FHL1: variants seen among roughly 807,000 people sequenced by gnomAD.
FHL1 encodes the protein four and a half LIM domains 1.
Under a neutral mutation model 20.3 loss-of-function variants are expected in FHL1, and 1 was observed. The ratio of observed to expected loss-of-function variants is 0.05; its 90% CI spans 0.02 to 0.23. FHL1 has a LOEUF of 0.23. Among genes scored for constraint, FHL1 ranks in the 10% least tolerant of loss-of-function variants. The pLI, the probability that FHL1 is intolerant of heterozygous loss-of-function variation, is 1.00. For missense variants in FHL1, 177 were observed against 234.0 expected, an observed-to-expected ratio of 0.76 and a Z score of 1.59; for synonymous variants, 82 against 88.9, an observed-to-expected ratio of 0.92 and a Z score of 0.44.
intron 2 of FHL1, among the ~76,000 whole-genome samples, chrX:136,186,880 AT>A (rs1453115331): frequency 5.0e-4 from 2 of 4,011 alleles, no homozygotes; most frequent in Non-Finnish European, 4.3e-3. Context: ...ATATATATAT[AT>A]AGATAGATAG....
At chrX:136,157,253 G>T (rs1262091305) in intron 1 of FHL1, among the ~76,000 whole-genome samples, 2 of 111,097 alleles carry the variant, frequency 1.8e-5, no homozygotes, top group African/African-American at 6.5e-5. Context: ...CAGATGCCAG[G>T]GTCAACACAA....
intron 2 of FHL1, among the ~76,000 whole-genome samples, chrX:136,186,981 T>C (rs2073321219): frequency 9.0e-6 from 1 of 110,914 alleles, no homozygotes. Context: ...GGTATAGCTT[T>C]ACAATTGGAT....
At chrX:136,193,994 G>A (rs2073495386), upstream of FHL1, among the ~76,000 whole-genome samples, 1 of 108,829 alleles carries the variant, frequency 9.2e-6, no homozygotes, top group Admixed American at 9.9e-5. Context: ...CACGTCCTGT[G>A]TTTTTCTCAT....
chrX:136,203,201 A>G (rs2073759420), intron 1 of FHL1, among the ~76,000 whole-genome samples: 1 of 112,681 alleles, frequency 8.9e-6, no homozygotes, highest in Non-Finnish European at 1.9e-5. Flanking sequence ...CAACATTCCT[A>G]GAAGTGCCTA....
Position 136,151,159 on chromosome X carries a change from G to T in FHL1, c.-101+3531G>T, listed in dbSNP as rs972948376. Among the ~76,000 whole-genome samples, 3 of 112,199 alleles carry T rather than the reference G, an allele frequency of 2.7e-5. No homozygotes were observed. The Admixed American group carries it at 2.8e-4, about 11-fold the overall frequency. On this transcript the variant is annotated intron_variant, in intron 1 of 7. Coordinates refer to the FHL1 transcript ENST00000394155. The stretch of plus-strand genomic sequence containing the variant: ...CAGCCAGGGCGCTTTTGCCCCCCGG[G>T]GTCACTCAACAATTTTTGCTAGATG...
chrX:136,180,782 C>T (rs936714533), intron 2 of FHL1, among the ~76,000 whole-genome samples: 1 of 74,156 alleles, frequency 1.3e-5, no homozygotes, highest in South Asian at 6.9e-4. Flanking sequence ...CACTCTCTCG[C>T]CCAGGCTGGA....
chrX:136,200,146 C>T (rs2073671325), intron 1 of FHL1, among the ~76,000 whole-genome samples: 1 of 111,907 alleles, frequency 8.9e-6, no homozygotes, highest in Non-Finnish European at 1.9e-5. Flanking sequence ...TCTTTTGAAG[C>T]AGGCATAGAA....
At chrX:136,169,214 T>G (rs2072791951), upstream of FHL1, 1 of 116,293 alleles carries the variant, frequency 8.6e-6, no homozygotes, top group Non-Finnish European at 1.8e-5. Context: ...CGAATGGGCC[T>G]GTGGGGAGGT....
At chrX:136,176,925 A>G (rs1221832592) in intron 2 of FHL1, among the ~76,000 whole-genome samples, 1 of 108,569 alleles carries the variant, frequency 9.2e-6, no homozygotes, top group Non-Finnish European at 1.9e-5. Flanking sequence ...ACTCTCGAAA[A>G]GTGGAATCTC....
In FHL1 at chrX:136,206,443, A is replaced by G. The variant is rs1230410861; in HGVS notation, c.59A>G (p.Lys20Arg). The G allele has an allele frequency of 1.7e-6, 2 of 1,210,834 alleles. No individual in the cohort carries two copies. Among genetic ancestry groups the G allele is most frequent in the African/African-American group, 3.5e-5 (2 of 57,377 alleles). Residue 20 changes from lysine to arginine, a missense_variant, in exon 2 of 6, where the codon AAG (lysine) becomes AGG (arginine). Physicochemically the swap from Lys to Arg is conservative, Grantham distance 26. Transcript: ENST00000370683. ...SSYKVGTMAE[K>R]FDCHYCRDPL... Reference sequence around the variant, plus strand: ...TACAAGGTGGGCACCATGGCGGAGAAGTTTGACTGCCACTACTGCAGGGAT... The same window carrying G: ...TACAAGGTGGGCACCATGGCGGAGAGGTTTGACTGCCACTACTGCAGGGAT...
intron 2 of FHL1, among the ~76,000 whole-genome samples, chrX:136,187,027 G>A (rs1389754547): frequency 9.1e-6 from 1 of 109,991 alleles, no homozygotes; most frequent in Non-Finnish European, 1.9e-5. Context: ...AGCTCTTTAC[G>A]TACTGACAAG....
intron 1 of FHL1, among the ~76,000 whole-genome samples, chrX:136,151,545 C>T (rs4576573): frequency 9.0e-6 from 1 of 111,639 alleles, no homozygotes; most frequent in Admixed American, 9.5e-5. Context: ...AATCCTGTCT[C>T]TACTAAAAAT....
chrX:136,206,140 A>G, intron 1 of FHL1: 1 of 428,091 alleles, frequency 2.3e-6, no homozygotes, highest in Admixed American at 4.0e-5. Flanking sequence ...CACAGTTGAT[A>G]TATCTGAGCA....
chrX:136,164,387 A>C (rs1465458981), intron 1 of FHL1, among the ~76,000 whole-genome samples: 9 of 109,532 alleles, frequency 8.2e-5, no homozygotes, highest in Non-Finnish European at 3.8e-5. Flanking sequence ...TTGTATTTTC[A>C]GTAGAGATGG....
At chrX:136,208,935 A>T (rs865877460) in intron 5 of FHL1, among the ~76,000 whole-genome samples, 2 of 3,531 alleles carry the variant, frequency 5.7e-4, no homozygotes, top group Non-Finnish European at 1.1e-3. Context: ...TTCTGGGGGG[A>T]GGGGTGGGAG....
chrX:136,183,481 A>G (rs1021996513), intron 2 of FHL1, among the ~76,000 whole-genome samples: 1 of 112,074 alleles, frequency 8.9e-6, no homozygotes, highest in South Asian at 3.7e-4. Flanking sequence ...CTTACTGTAT[A>G]TAGTGAATAG....
rs2073986092 is a variant in FHL1, at chrX:136,210,545, T to C, written c.*520T>C. ...GAACTCTGCCCTTCCTTCTGTTCTT[T>C]TGTGCTTTCAAATAACTAACACGAA... On this transcript the variant is annotated 3_prime_UTR_variant, in exon 6 of 6. Coordinates refer to ENST00000370683, the MANE Select transcript of FHL1 (RefSeq NM_001159699.2). 2 of 389,591 alleles carry C rather than the reference T, an allele frequency of 5.1e-6. No individual in the cohort carries two copies. The highest frequency in any genetic ancestry group is 5.1e-5 in the South Asian group (2 of 38,886). 32.1% of individuals were successfully genotyped at this position (389,591 alleles called of 1,213,427 possible).
At chrX:136,172,206 T>C (rs1472003781) in intron 2 of FHL1, among the ~76,000 whole-genome samples, 2 of 112,448 alleles carry the variant, frequency 1.8e-5, no homozygotes, top group Non-Finnish European at 3.8e-5. Flanking sequence ...ATCTGTTAAA[T>C]TCTGTTTCCA....
intron 2 of FHL1, 126 bp downstream of exon 2, chrX:136,206,714 A>G (rs1365469629): frequency 3.3e-6 from 3 of 920,708 alleles, no homozygotes; most frequent in Admixed American, 2.3e-5. Flanking sequence ...TGAGGCCTCA[A>G]GGAAGCCTCC....
Sources: gnomAD v4.1 joint callset for allele counts (sites outside exome capture counted in the v4.1 genomes callset) on GRCh38, gnomAD v4.1.1 for gene constraint, MANE v1.5 for transcripts, NCBI Gene and HGNC (gene_info 2026-07-23, HGNC 2026-07-21) for gene names.